RDX: variants seen among roughly 807,000 people sequenced by gnomAD.
RDX encodes deafness, autosomal recessive 24.
A neutral mutation model predicts 83.7 loss-of-function variants in RDX; 32 were observed. The ratio of observed to expected loss-of-function variants is 0.38; its 90% CI spans 0.29 to 0.51. The LOEUF (loss-of-function observed/expected upper bound fraction) is 0.51. RDX is among the 20% of genes least tolerant of loss of function. The probability of loss-of-function intolerance (pLI) is 0.87; values close to 1 mark genes in which losing one functional copy is unlikely to be tolerated. For missense variants in RDX, 600 were observed against 689.9 expected (o/e 0.87, Z 1.46); for synonymous variants, 229 against 222.7 (o/e 1.03, Z -0.25).
At chr11:110,290,713 T>C (rs1253847951) in intron 1 of RDX, among the ~76,000 whole-genome samples, 1 of 152,202 alleles carries the variant, frequency 6.6e-6, no homozygotes, top group Non-Finnish European at 1.5e-5. Flanking sequence ...GCCAGGTAAG[T>C]AAACATTATA....
At position 110,230,161 on chromosome 11, in the gene RDX, A is replaced by T. The variant is rs1174921092; in HGVS notation, c.*1708T>A. The T allele has an allele frequency of 6.6e-6, 1 of 152,256 alleles. No homozygotes were observed. Among genetic ancestry groups the T allele is most frequent in the Non-Finnish European group, 1.5e-5 (1 of 68,000 alleles). 9.4% of individuals were successfully genotyped at this position (152,256 alleles called of 1,614,324 possible). ...AGAGATATTTTCAGACACAACTTGAATCTACTGTGCATGAAAATGTTTAAT... is the reference window on the plus strand; with the variant it reads ...AGAGATATTTTCAGACACAACTTGATTCTACTGTGCATGAAAATGTTTAAT... On this transcript the variant is annotated 3_prime_UTR_variant, in exon 14 of 14. Transcript: ENST00000645495.
intron 15 of RDX, among the ~76,000 whole-genome samples, chr11:110,196,413 T>C (rs192192832): frequency 7.7e-4 from 117 of 152,356 alleles, no homozygotes; most frequent in African/African-American, 2.7e-3. Flanking sequence ...CTCTACACTC[T>C]GACCTCAGCC....
intron 15 of RDX, among the ~76,000 whole-genome samples, chr11:110,199,024 A>T (rs375540247): frequency 1.3e-5 from 2 of 152,154 alleles, no homozygotes; most frequent in East Asian, 3.9e-4. Context: ...CATGTTGGCC[A>T]GGCTAGTCTC....
chr11:110,179,965 A>C (rs546912000), intron 15 of RDX: 3 of 372,040 alleles, frequency 8.1e-6, no homozygotes, highest in Non-Finnish European at 1.5e-5. Flanking sequence ...GTAGTGGTGC[A>C]ATCTCAGCTC....
intron 8 of RDX, among the ~76,000 whole-genome samples, chr11:110,254,492 T>G (rs1404272100): frequency 3.9e-5 from 6 of 152,056 alleles, no homozygotes; most frequent in Admixed American, 3.9e-4. Flanking sequence ...TCTTTTTTTT[T>G]TTTGAGACGG....
At chr11:110,183,518 C>T (rs1030830673) in intron 15 of RDX, among the ~76,000 whole-genome samples, 11 of 152,176 alleles carry the variant, frequency 7.2e-5, no homozygotes, top group Non-Finnish European at 1.0e-4. Flanking sequence ...GAGAAAGTGT[C>T]CCACTATGAT....
At chr11:110,233,566 C>T in intron 12 of RDX, 87 bp from the exon 13 acceptor site, 1 of 1,409,722 alleles carries the variant, frequency 7.1e-7, no homozygotes, top group Non-Finnish European at 9.8e-7. Flanking sequence ...TTAATAGAAA[C>T]TGTATTTCAA....
intron 1 of RDX, among the ~76,000 whole-genome samples, chr11:110,291,393 A>T (rs1479909822): frequency 6.6e-6 from 1 of 152,160 alleles, no homozygotes; most frequent in Non-Finnish European, 1.5e-5. Flanking sequence ...AGAAAAAAGA[A>T]GTATCTATTG....
intron 14 of RDX, among the ~76,000 whole-genome samples, chr11:110,204,883 T>C (rs980466533): frequency 1.3e-5 from 2 of 152,200 alleles, no homozygotes; most frequent in Non-Finnish European, 2.9e-5. Flanking sequence ...CAAAGTATTT[T>C]TTCCCATACA....
chr11:110,195,211 A>C (rs1453208896), intron 15 of RDX, among the ~76,000 whole-genome samples: 1 of 151,878 alleles, frequency 6.6e-6, no homozygotes, highest in African/African-American at 2.4e-5. Context: ...TGACCCATCC[A>C]CCTCAGCCTC....
At chr11:110,219,279 T>C (rs763774786) in intron 14 of RDX, among the ~76,000 whole-genome samples, 14 of 151,848 alleles carry the variant, frequency 9.2e-5, no homozygotes, top group Non-Finnish European at 1.6e-4. Context: ...CCAGTGTGAC[T>C]TCAATTTAAC....
chr11:110,253,745 CGA>C (rs1407591535), intron 9 of RDX, 199 bp downstream of exon 9: 5 of 557,288 alleles, frequency 9.0e-6, no homozygotes, highest in Non-Finnish European at 1.3e-5. Context: ...CTATTTTCTT[CGA>C]GATATGTGTC....
rs1256221880 is a variant in RDX at position 110,257,794 on chromosome 11, C to T, written c.671G>A (p.Gly224Asp). Reference protein sequence around the residue: ...TELWLGVDALGLNIYEHDDKL... With the variant: ...TELWLGVDALDLNIYEHDDKL... The stretch of plus-strand genomic sequence containing the variant: ...GTCGTCATGCTCATAAATATTCAGA[C>T]CCAAAGCATCAACACCTAGCCACAA... The change falls in exon 7 of 14, where the codon GGT becomes GAT. Residue 224 changes from glycine (G) to aspartate (D), a missense_variant. Physicochemically the swap from Gly to Asp is moderately conservative, Grantham distance 94 (BLOSUM62 -1). Coordinates refer to ENST00000645495, the MANE Select transcript of RDX (RefSeq NM_002906.4). 1.2e-6 allele frequency: 2 copies of T among 1,611,942 alleles called. No individual in the cohort carries two copies. The highest frequency in any genetic ancestry group is 8.5e-7 in the Non-Finnish European group (1 of 1,179,694).
At chr11:110,206,256 CAA>C (rs3040335) in intron 14 of RDX, among the ~76,000 whole-genome samples, 8 of 110,182 alleles carry the variant, frequency 7.3e-5, no homozygotes, top group East Asian at 2.6e-4. Context: ...GAGTCCATCT[CAA>C]AAAAAAAAAA....
intron 15 of RDX, among the ~76,000 whole-genome samples, chr11:110,176,256 G>A (rs2134212519): frequency 6.6e-6 from 1 of 152,088 alleles, no homozygotes; most frequent in East Asian, 1.9e-4. Flanking sequence ...TAGAGACGGG[G>A]TTTCACCATG....
intron 2 of RDX, among the ~76,000 whole-genome samples, chr11:110,277,405 C>T (rs1784669): frequency 0.019 from 2,849 of 152,164 alleles, 43 homozygotes; most frequent in South Asian, 0.025. Context: ...CTGCAACCTT[C>T]GCCTCCTGGA....
intron 15 of RDX, among the ~76,000 whole-genome samples, chr11:110,191,076 C>T (rs1863096137): frequency 1.3e-5 from 2 of 152,118 alleles, no homozygotes; most frequent in South Asian, 4.2e-4. Flanking sequence ...AGGGAATCCC[C>T]CCTAACTCAT....
chr11:110,237,623 C>T lies in RDX; in HGVS notation c.1120G>A (p.Glu374Lys). ...GCTCGTTTTCGTTCTTGATCCAGTT[C>T]TAGAGCTTTTCGAGTCTGTTCTTCT... ...ELEEQTRKAL[E>K]LDQERKRAKE... Residue 374 changes from glutamate (E) to lysine (K), a missense_variant, in exon 11 of 14, where the codon GAA (glutamate) becomes AAA (lysine). Physicochemically the swap from Glu to Lys is moderately conservative, Grantham distance 56. Coordinates refer to ENST00000645495, the MANE Select transcript of RDX (RefSeq NM_002906.4). The T allele has an allele frequency of 1.2e-6, 2 of 1,614,156 alleles. No individual in the cohort carries two copies. The highest frequency in any genetic ancestry group is 1.7e-6 in the Non-Finnish European group (2 of 1,180,032).
intron 14 of RDX, among the ~76,000 whole-genome samples, chr11:110,220,760 A>G (rs943438960): frequency 3.9e-5 from 6 of 151,920 alleles, no homozygotes; most frequent in Non-Finnish European, 8.8e-5. Flanking sequence ...GGCCTCCCAA[A>G]GTGCTGGGAT....
Sources: allele counts gnomAD v4.1 joint callset (sites outside exome capture counted in the v4.1 genomes callset), GRCh38; gene constraint gnomAD v4.1.1; transcripts MANE v1.5; gene names NCBI Gene and HGNC (gene_info 2026-07-23, HGNC 2026-07-21).